Variants in HSD17B13 observed in about 807,000 individuals in gnomAD.
HSD17B13 encodes the protein 17-beta-hydroxysteroid dehydrogenase 13.
Under a neutral mutation model 31.1 loss-of-function variants are expected in HSD17B13, and 26 were observed. That is an observed-to-expected ratio of 0.84 (90% CI 0.61 to 1.16). The LOEUF is 1.16. Among genes scored for constraint, HSD17B13 ranks in the 50% most tolerant of loss-of-function variants. The pLI is 0.00. For synonymous variants in HSD17B13, 141 were observed against 133.7 expected, an observed-to-expected ratio of 1.05 and a Z score of -0.38; for missense variants, 374 against 366.5, an observed-to-expected ratio of 1.02 and a Z score of -0.17.
intron 6 of HSD17B13, among the ~76,000 whole-genome samples, chr4:87,306,242 G>A (rs2110096287): frequency 6.6e-6 from 1 of 152,234 alleles, no homozygotes; most frequent in Middle Eastern, 3.4e-3. Context: ...TCTGATATGA[G>A]TAAAGATCTA....
At chr4:87,320,892 C>T (rs967359865) in intron 1 of HSD17B13, among the ~76,000 whole-genome samples, 2 of 152,146 alleles carry the variant, frequency 1.3e-5, no homozygotes, top group Non-Finnish European at 2.9e-5. Flanking sequence ...GAAAACTCAG[C>T]CAGCATCTTC....
At chr4:87,320,386 T>TTG (rs1440880077) in intron 1 of HSD17B13, among the ~76,000 whole-genome samples, 2 of 126,094 alleles carry the variant, frequency 1.6e-5, no homozygotes, top group South Asian at 2.4e-4. Flanking sequence ...TCTTCAGTTT[T>TTG]TTTTTTTTTT....
intron 6 of HSD17B13, among the ~76,000 whole-genome samples, chr4:87,306,730 C>T (rs1184176251): frequency 6.6e-6 from 1 of 151,650 alleles, no homozygotes; most frequent in Non-Finnish European, 1.5e-5. Flanking sequence ...CATGGTGAAA[C>T]CCTGTCTCTA....
At position 87,304,686 on chromosome 4, in the gene HSD17B13, T is replaced by C. The variant is rs1392520780; in HGVS notation, c.*532A>G. ...AAGTCCAGAATAGAGTTGCACCGTT[T>C]TGGGCTAATGAAAAAGGAAGAGGCT... On this transcript the variant is annotated 3_prime_UTR_variant, in exon 7 of 7. Transcript: ENST00000328546. 1.3e-5 allele frequency: 2 copies of C among 152,184 alleles called. No individual in the cohort carries two copies. The highest frequency in any genetic ancestry group is 4.8e-5 in the African/African-American group (2 of 41,430). 9.4% of individuals were successfully genotyped at this position (152,184 alleles called of 1,614,324 possible).
At chr4:87,313,306 G>A (rs76119590) in intron 5 of HSD17B13, among the ~76,000 whole-genome samples, 5,412 of 152,188 alleles carry the variant, frequency 0.036, 287 homozygotes, top group African/African-American at 0.12. Context: ...GAATCATTAA[G>A]CTTAGTATAT....
chr4:87,322,861 C>CCTT lies in HSD17B13; in HGVS notation c.-23_-21dup, dbSNP rs753498673. On this transcript the variant is annotated 5_prime_UTR_variant, in exon 1 of 7. Transcript: ENST00000328546. ...GTTCATGGCTTTGCTCTGTCCTCTT[C>CCTT]CTTCTGGTTCAGTCCTTGTGTAGTC... 11 of 1,604,232 alleles carry CCTT rather than the reference C, an allele frequency of 6.9e-6. No individual in the cohort carries two copies. The highest frequency in any genetic ancestry group is 1.3e-5 in the African/African-American group (1 of 74,674).
At position 87,322,679 on chromosome 4, in the gene HSD17B13, C is replaced by A; in HGVS notation, c.163G>T (p.Glu55Ter). Residue 55 changes from glutamate to a stop codon, truncating the protein, a stop_gained, in exon 1 of 7, where the codon GAA (glutamate) becomes TAA (stop). Coordinates refer to ENST00000328546, the MANE Select transcript of HSD17B13 (RefSeq NM_178135.5). LOFTEE classifies it high-confidence loss of function. ...GHGIGRQTTYEFAKRQSILVL... is the reference protein window; with the variant it reads ...GHGIGRQTTY The stretch of plus-strand genomic sequence containing the variant: ...AATATGCTCTGTCGTTTTGCAAATT[C>A]ATAAGTAGTCTGCCTGCCTATTCCA... 6.2e-6 allele frequency: 10 copies of A among 1,614,146 alleles called. No homozygotes were observed. The highest frequency in any genetic ancestry group is 8.5e-6 in the Non-Finnish European group (10 of 1,179,994).
chr4:87,307,403 T>C (rs1734413570), intron 6 of HSD17B13, among the ~76,000 whole-genome samples: 1 of 152,202 alleles, frequency 6.6e-6, no homozygotes. Flanking sequence ...ATTTTCAATA[T>C]TAATATGACT....
At chr4:87,308,437 C>T (rs530539066) in intron 6 of HSD17B13, among the ~76,000 whole-genome samples, 1 of 127,078 alleles carries the variant, frequency 7.9e-6, no homozygotes, top group East Asian at 2.4e-4. Flanking sequence ...ATCACCAGGT[C>T]AGGAGATCGA....
In HSD17B13 at chr4:87,313,893, T is replaced by C; in HGVS notation, c.625A>G (p.Thr209Ala). Reference protein sequence around the residue: ...LTSELQALGKTGIKTSCLCPV... With the variant: ...LTSELQALGKAGIKTSCLCPV... ...CAGAGACATGAGGTTTTGATACCAG[T>C]TTTTCCCAAGGCCTGAAGTTCTGAT... Residue 209 changes from threonine to alanine, a missense_variant, in exon 5 of 7, where the codon ACT becomes GCT. Transcript: ENST00000328546. 1 of 1,610,028 alleles carries C rather than the reference T, an allele frequency of 6.2e-7. No individual in the cohort carries two copies. The highest frequency in any genetic ancestry group is 8.5e-7 in the Non-Finnish European group (1 of 1,178,504).
rs139891835 is a variant in HSD17B13, at chr4:87,307,606, G to A, written c.813-2298C>T. Among the ~76,000 whole-genome samples the A allele has an allele frequency of 4.5e-3, 690 of 152,134 alleles. 5 individuals carry two copies. The highest frequency in any genetic ancestry group is 0.015 in the African/African-American group (635 of 41,492). On this transcript the variant is annotated intron_variant, in intron 6 of 6. Coordinates refer to ENST00000328546, the MANE Select transcript of HSD17B13 (RefSeq NM_178135.5). ...TGGTTTACTGCAATCTCCGCCTTCC[G>A]GGTTCAAGGGATTCTCCTGCGAGTG... is the stretch of plus-strand genomic sequence containing the variant.
rs760426442 is a variant in HSD17B13, at chr4:87,305,177, T to C, written c.*41A>G. ...TGCAGCATTGATTCGAAACTATTCA[T>C]ATCATTATCATGCATACATCTCTGG... On this transcript the variant is annotated 3_prime_UTR_variant, in exon 7 of 7. Transcript: ENST00000328546. 8.0e-7 allele frequency: 1 copy of C among 1,252,956 alleles called. No homozygotes were observed. Among genetic ancestry groups the C allele is most frequent in the South Asian group, 1.3e-5 (1 of 75,572 alleles). 77.6% of individuals were successfully genotyped at this position (1,252,956 alleles called of 1,614,324 possible).
At chr4:87,308,796 G>A (rs1226364652) in intron 6 of HSD17B13, among the ~76,000 whole-genome samples, 1 of 151,492 alleles carries the variant, frequency 6.6e-6, no homozygotes, top group African/African-American at 2.4e-5. Flanking sequence ...CAACTTAGAT[G>A]AAATGGACAA....
intron 1 of HSD17B13, among the ~76,000 whole-genome samples, chr4:87,321,730 A>G (rs1469042428): frequency 1.3e-5 from 2 of 152,234 alleles, no homozygotes; most frequent in African/African-American, 4.8e-5. Flanking sequence ...ACAGAAAAGA[A>G]TTAGTTCTCT....
rs570425723 is a variant in HSD17B13 at position 87,313,889 on chromosome 4, C to T, written c.629G>A (p.Gly210Asp). The change falls in exon 5 of 7, where the codon GGT (glycine) becomes GAT (aspartate). Residue 210 changes from glycine to aspartate, a missense_variant. Physicochemically the swap from Gly to Asp is moderately conservative, Grantham distance 94. Coordinates refer to ENST00000328546, the MANE Select transcript of HSD17B13 (RefSeq NM_178135.5). ...TGGGCAGAGACATGAGGTTTTGATA[C>T]CAGTTTTTCCCAAGGCCTGAAGTTC... The part of the protein sequence containing the change: ...TSELQALGKT[G>D]IKTSCLCPVF... 1.9e-6 allele frequency: 3 copies of T among 1,609,834 alleles called. No individual in the cohort carries two copies. In the East Asian group the frequency reaches 6.7e-5, roughly 36 times the overall value.
rs1734353883 is a variant in HSD17B13 at position 87,304,936 on chromosome 4, G to C, written c.*282C>G. On this transcript the variant is annotated 3_prime_UTR_variant, in exon 7 of 7. Coordinates refer to ENST00000328546, the MANE Select transcript of HSD17B13 (RefSeq NM_178135.5). The stretch of plus-strand genomic sequence containing the variant: ...GGTAGCTTTTGTCCACCTTTAAATG[G>C]AAAAATAAAATATCTTAAAGAAAAC... The C allele has an allele frequency of 4.1e-6, 1 of 243,530 alleles. No individual in the cohort carries two copies. The highest frequency in any genetic ancestry group is 1.3e-3 in the Middle Eastern group (1 of 742). 15.1% of individuals were successfully genotyped at this position (243,530 alleles called of 1,614,324 possible).
chr4:87,319,486 T>C (rs762957126), intron 1 of HSD17B13, among the ~76,000 whole-genome samples: 13 of 152,190 alleles, frequency 8.5e-5, no homozygotes, highest in Non-Finnish European at 1.3e-4. Context: ...AACCATTAAT[T>C]TATCATACAT....
Position 87,313,842 on chromosome 4 carries a change from T to G in HSD17B13, c.676A>C (p.Thr226Pro), listed in dbSNP as rs371697119. The G allele has an allele frequency of 2.5e-6, 4 of 1,612,064 alleles. No homozygotes were observed. Among genetic ancestry groups the G allele is most frequent in the Middle Eastern group, 3.3e-4 (2 of 6,058 alleles). The change falls in exon 5 of 7, where the codon ACC becomes CCC. Residue 226 changes from threonine to proline, a missense_variant. By Grantham distance (38) the Thr-to-Pro change is conservative. Coordinates refer to ENST00000328546, the MANE Select transcript of HSD17B13 (RefSeq NM_178135.5). ...CCTTACCTTGTGCTTGGATTTTTGG[T>G]GAACCCAGTATTCACAAAAACTGGG... is the stretch of plus-strand genomic sequence containing the variant. The part of the protein sequence containing the change: ...LCPVFVNTGF[T>P]KNPSTRLWPV...
intron 4 of HSD17B13, among the ~76,000 whole-genome samples, chr4:87,315,173 T>A (rs1320503418): frequency 6.6e-6 from 1 of 152,192 alleles, no homozygotes; most frequent in Admixed American, 6.5e-5. Context: ...CTCTGTAACT[T>A]TAATTCATCC....
Sources: allele counts gnomAD v4.1 joint callset (sites outside exome capture counted in the v4.1 genomes callset), GRCh38; gene constraint gnomAD v4.1.1; transcripts MANE v1.5; gene names NCBI Gene and HGNC (gene_info 2026-07-23, HGNC 2026-07-21).